The following ZBTB20 variants were observed in gnomAD, a reference collection of about 807,000 sequenced individuals.
ZBTB20 encodes the protein zinc finger and BTB domain-containing protein 20.
Under a neutral mutation model 56.9 loss-of-function variants are expected in ZBTB20, and 9 were observed. The ratio of observed to expected loss-of-function variants is 0.16; its 90% confidence interval spans 0.10 to 0.28. The LOEUF (loss-of-function observed/expected upper bound fraction) is 0.28, where lower values mean the gene tolerates loss of function less well. Among genes scored for constraint, ZBTB20 ranks in the 10% least tolerant of loss-of-function variants. ZBTB20 has a pLI of 1.00. For missense variants in ZBTB20, 655 were observed against 1,003.0 expected (o/e 0.65, Z 4.69); for synonymous variants, 417 against 420.7 (o/e 0.99, Z 0.11).
At chr3:115,003,667 AAAAACAAAAC>A (rs1040336086) in intron 2 of ZBTB20, among the ~76,000 whole-genome samples, 1 of 151,578 alleles carries the variant, frequency 6.6e-6, no homozygotes, top group Non-Finnish European at 1.5e-5. Context: ...GCCCCTACTA[AAAAACAAAAC>A]AAAACAAAAC....
chr3:114,386,643 C>T (rs1407891455), intron 8 of ZBTB20, among the ~76,000 whole-genome samples: 1 of 152,160 alleles, frequency 6.6e-6, no homozygotes, highest in African/African-American at 2.4e-5. Flanking sequence ...ACATCTCCTG[C>T]TGATGTCTCC....
At chr3:115,042,803 C>T (rs1164668837) in intron 2 of ZBTB20, among the ~76,000 whole-genome samples, 1 of 152,212 alleles carries the variant, frequency 6.6e-6, no homozygotes, top group African/African-American at 2.4e-5. Context: ...TCTAAACTTA[C>T]TTACTTCTTC....
chr3:114,893,993 TGATA>T (rs1359748352), intron 4 of ZBTB20, among the ~76,000 whole-genome samples: 2 of 152,228 alleles, frequency 1.3e-5, no homozygotes, highest in African/African-American at 4.8e-5. Flanking sequence ...GCACCATTTT[TGATA>T]GATAAAATGT....
At chr3:114,580,966 C>CA (rs2054584598) in intron 6 of ZBTB20, among the ~76,000 whole-genome samples, 1 of 151,698 alleles carries the variant, frequency 6.6e-6, no homozygotes, top group Middle Eastern at 3.4e-3. Context: ...TATTGAATAG[C>CA]AAAAGACCAA....
chr3:114,639,645 A>G (rs1280151034), intron 6 of ZBTB20, among the ~76,000 whole-genome samples: 1 of 152,056 alleles, frequency 6.6e-6, no homozygotes, highest in Non-Finnish European at 1.5e-5. Flanking sequence ...ATGCTTTTTA[A>G]GTTAGGTGGA....
intron 2 of ZBTB20, among the ~76,000 whole-genome samples, chr3:115,005,476 T>A (rs1170199849): frequency 6.6e-6 from 1 of 151,788 alleles, no homozygotes; most frequent in Non-Finnish European, 1.5e-5. Context: ...GAACTTGGAA[T>A]GGACATTATT....
intron 4 of ZBTB20, among the ~76,000 whole-genome samples, chr3:114,805,810 C>T (rs1389430618): frequency 6.6e-6 from 1 of 151,642 alleles, no homozygotes; most frequent in Non-Finnish European, 1.5e-5. Flanking sequence ...ATAAATTTGC[C>T]CTTTTTGGAT....
chr3:114,843,307 A>G (rs572038421), intron 4 of ZBTB20, among the ~76,000 whole-genome samples: 14 of 152,238 alleles, frequency 9.2e-5, no homozygotes, highest in African/African-American at 3.4e-4. Context: ...CCCTTAATCT[A>G]TCTCCCCCTG....
chr3:114,875,419 A>T (rs1199852336), intron 4 of ZBTB20, among the ~76,000 whole-genome samples: 3 of 152,132 alleles, frequency 2.0e-5, no homozygotes, highest in Non-Finnish European at 4.4e-5. Flanking sequence ...CAGACTCGTT[A>T]TGGTTTTCAT....
intron 2 of ZBTB20, among the ~76,000 whole-genome samples, chr3:115,063,353 T>C (rs1481361187): frequency 6.6e-6 from 1 of 152,294 alleles, no homozygotes; most frequent in East Asian, 1.9e-4. Flanking sequence ...AATGCCAGCA[T>C]GACCAGGTTT....
intron 4 of ZBTB20, among the ~76,000 whole-genome samples, chr3:114,807,586 C>G (rs959865867): frequency 1.3e-5 from 2 of 151,904 alleles, no homozygotes; most frequent in African/African-American, 4.8e-5. Context: ...CTTTTCCGAT[C>G]CTAGGAGTGT....
chr3:114,703,136 T>C (rs948032567), intron 5 of ZBTB20, among the ~76,000 whole-genome samples: 2 of 152,294 alleles, frequency 1.3e-5, no homozygotes, highest in Admixed American at 1.3e-4. Flanking sequence ...AGAAGAAGAA[T>C]GAACAGTTCT....
intron 6 of ZBTB20, among the ~76,000 whole-genome samples, chr3:114,618,350 A>T (rs925688855): frequency 6.6e-6 from 1 of 151,536 alleles, no homozygotes; most frequent in Non-Finnish European, 1.5e-5. Context: ...CCTGGGCTCA[A>T]GGGATAAGGG....
chr3:115,111,405 T>C (rs1361992974), intron 1 of ZBTB20, among the ~76,000 whole-genome samples: 2 of 152,166 alleles, frequency 1.3e-5, no homozygotes, highest in East Asian at 1.9e-4. Context: ...ATACCTCTTA[T>C]GATGTTTTAT....
intron 10 of ZBTB20, chr3:114,357,244 C>T (rs1339337390): frequency 3.3e-5 from 5 of 152,272 alleles, no homozygotes; most frequent in Non-Finnish European, 7.4e-5. Context: ...GAATTCTTCA[C>T]ATAAAACATA....
chr3:114,482,653 T>G (rs576975570), intron 7 of ZBTB20, among the ~76,000 whole-genome samples: 42 of 152,324 alleles, frequency 2.8e-4, no homozygotes, highest in African/African-American at 9.6e-4. Flanking sequence ...TTTACACACA[T>G]ACATGGATGT....
At chr3:114,968,942 AT>A (rs1429076808) in intron 3 of ZBTB20, among the ~76,000 whole-genome samples, 1 of 152,148 alleles carries the variant, frequency 6.6e-6, no homozygotes, top group African/African-American at 2.4e-5. Context: ...CCTCTCCACA[AT>A]TTTTAATCTA....
chr3:114,851,116 C>T (rs567926729), intron 4 of ZBTB20, among the ~76,000 whole-genome samples: 24 of 152,280 alleles, frequency 1.6e-4, no homozygotes, highest in African/African-American at 4.3e-4. Flanking sequence ...TGTTTCTCTA[C>T]TTGGCTCCAC....
chr3:114,577,638 C>A (rs1330658007), intron 6 of ZBTB20, among the ~76,000 whole-genome samples: 2 of 152,006 alleles, frequency 1.3e-5, no homozygotes, highest in Non-Finnish European at 2.9e-5. Context: ...GTAATGAGGT[C>A]AAAGAGGCTC....
Sources: allele counts gnomAD v4.1 joint callset (sites outside exome capture counted in the v4.1 genomes callset), GRCh38; gene constraint gnomAD v4.1.1; transcripts MANE v1.5; gene names NCBI Gene and HGNC (gene_info 2026-07-23, HGNC 2026-07-21).